The following ARHGEF37 variants were observed in gnomAD, a reference collection of about 807,000 sequenced individuals.
The protein encoded by ARHGEF37 is Rho guanine nucleotide exchange factor 37.
A neutral mutation model predicts 71.1 loss-of-function variants in ARHGEF37; 55 were observed. The ratio of observed to expected loss-of-function variants is 0.77; its 90% confidence interval spans 0.62 to 0.97. The LOEUF (loss-of-function observed/expected upper bound fraction) is 0.97, where lower values mean the gene tolerates loss of function less well. Ranked by LOEUF, ARHGEF37 falls within the 50% of genes least tolerant of loss-of-function variation. ARHGEF37 has a pLI of 0.00. For synonymous variants in ARHGEF37, 327 were observed against 350.6 expected (o/e 0.93, Z 0.75); for missense variants, 765 against 836.8 (o/e 0.91, Z 1.06).
chr5:149,607,668 C>T (rs529607976), intron 3 of ARHGEF37, among the ~76,000 whole-genome samples: 9 of 148,944 alleles, frequency 6.0e-5, no homozygotes, highest in Non-Finnish European at 1.2e-4. Context: ...TTGGGATAGG[C>T]GGTGGAGTTA....
At chr5:149,631,416 C>T (rs1202378005) in intron 12 of ARHGEF37, among the ~76,000 whole-genome samples, 1 of 152,116 alleles carries the variant, frequency 6.6e-6, no homozygotes, top group African/African-American at 2.4e-5. Flanking sequence ...GGTGATCTGC[C>T]CTCCTCTACC....
intron 1 of ARHGEF37, among the ~76,000 whole-genome samples, chr5:149,571,895 G>A (rs1762969832): frequency 9.5e-6 from 1 of 104,982 alleles, no homozygotes; most frequent in East Asian, 3.1e-4. Context: ...GACAGAGTGA[G>A]ACCCTGTCTC....
rs772724355 is a variant in ARHGEF37, at chr5:149,621,990, G to T, written c.1263G>T (p.Met421Ile). 38 of 1,614,178 alleles carry T rather than the reference G, an allele frequency of 2.4e-5. No individual in the cohort carries two copies. Among genetic ancestry groups the T allele is most frequent in the Non-Finnish European group, 3.2e-5 (38 of 1,180,004 alleles). Residue 421 changes from methionine to isoleucine, a missense_variant, in exon 9 of 13, where the codon ATG (methionine) becomes ATT (isoleucine). Coordinates refer to ENST00000333677, the MANE Select transcript of ARHGEF37 (RefSeq NM_001001669.3). ...QLVMQWLGQI[M>I]CTFVTLQRDL... ...TCATGCAGTGGCTGGGCCAGATCAT[G>T]TGCACATTCGTGACCCTCCAGAGGG...
rs201234693 is a variant in ARHGEF37, at chr5:149,598,737, C to CATATATATATATATATATATATAT, written c.186+794_186+795insATATATATATATATATATATATAT. ...ACAGAATTCCAGAAAAAATAAATCT[C>CATATATATATATATATATATATAT]ATATATATATATCTATATATAGATA... is the stretch of plus-strand genomic sequence containing the variant. On this transcript the variant is annotated intron_variant, in intron 2 of 12. Coordinates refer to ENST00000333677, the MANE Select transcript of ARHGEF37 (RefSeq NM_001001669.3). 5.9e-4 allele frequency among the ~76,000 whole-genome samples: 62 copies of CATATATATATATATATATATATAT among 104,542 alleles called. 1 individual carries two copies. Among genetic ancestry groups the CATATATATATATATATATATATAT allele is most frequent in the African/African-American group, 2.0e-3 (58 of 28,484 alleles). The allele number at this position is 104,542 out of a possible 152,430, so 68.6% of individuals were successfully genotyped here.
In ARHGEF37 at chr5:149,589,733, CAGGTGATCCTCCCGACCTA is replaced by C. The variant is rs1156641363; in HGVS notation, c.-11-8011_-11-7993del. 2.0e-5 allele frequency among the ~76,000 whole-genome samples: 3 copies of C among 152,250 alleles called. No individual in the cohort carries two copies. The East Asian group carries it at 5.8e-4, about 29-fold the overall frequency. The stretch of plus-strand genomic sequence containing the variant: ...CAGGCTGGTCTTGAACTCCTGACCT[CAGGTGATCCTCCCGACCTA>C]AGGTGATCCTCCCGTCTTGGCCTCC... On this transcript the variant is annotated intron_variant, in intron 1 of 12. Coordinates refer to ENST00000333677, the MANE Select transcript of ARHGEF37 (RefSeq NM_001001669.3).
In ARHGEF37 at chr5:149,631,986, T is replaced by C; in HGVS notation, c.1823T>C (p.Ile608Thr). The C allele has an allele frequency of 8.7e-6, 14 of 1,614,202 alleles. No homozygotes were observed. The highest frequency in any genetic ancestry group is 1.1e-5 in the Non-Finnish European group (13 of 1,180,014). ...GTCACTCCCCATGTGTTTCAGGTCA[T>C]AGCCGCGTACCCTTTTGTGGCCAGA... Reference protein sequence around the residue: ...VPSIPTMNQVIAAYPFVARSS... With the variant: ...VPSIPTMNQVTAAYPFVARSS... The change falls in exon 13 of 13, where the codon ATA becomes ACA. Residue 608 changes from isoleucine to threonine, a missense_variant. Transcript: ENST00000333677.
intron 1 of ARHGEF37, among the ~76,000 whole-genome samples, 175 bp from the exon 2 acceptor site, chr5:149,597,584 G>C (rs1404330122): frequency 6.6e-6 from 1 of 152,152 alleles, no homozygotes; most frequent in Non-Finnish European, 1.5e-5. Flanking sequence ...GCTGTTACCT[G>C]CCTTTCAATA....
intron 1 of ARHGEF37, among the ~76,000 whole-genome samples, chr5:149,575,062 T>G (rs921019033): frequency 1.3e-5 from 2 of 152,210 alleles, no homozygotes; most frequent in African/African-American, 4.8e-5. Context: ...ACATTTAAAT[T>G]CTTGAGTATG....
chr5:149,625,933 C>T (rs1338171000), intron 10 of ARHGEF37, among the ~76,000 whole-genome samples: 1 of 152,184 alleles, frequency 6.6e-6, no homozygotes, highest in Non-Finnish European at 1.5e-5. Context: ...ATAGGGAGGG[C>T]CGGTCAGCCT....
At chr5:149,620,054 C>CA (rs1274218275) in intron 7 of ARHGEF37, among the ~76,000 whole-genome samples, 2 of 141,348 alleles carry the variant, frequency 1.4e-5, no homozygotes, top group Non-Finnish European at 3.0e-5. Flanking sequence ...GCCTGGGTGA[C>CA]AGAGTGAGAC....
At chr5:149,554,225 G>A (rs1762722313) in intron 1 of ARHGEF37, among the ~76,000 whole-genome samples, 1 of 152,220 alleles carries the variant, frequency 6.6e-6, no homozygotes. Context: ...AACACTTTGG[G>A]AGGCCAAGGC....
chr5:149,602,544 A>G (rs535470301), intron 3 of ARHGEF37, among the ~76,000 whole-genome samples: 2 of 151,800 alleles, frequency 1.3e-5, no homozygotes, highest in Non-Finnish European at 2.9e-5. Context: ...CTAGAGTGCA[A>G]TGGAGCAATC....
At chr5:149,623,336 G>A (rs1250218489) in intron 9 of ARHGEF37, among the ~76,000 whole-genome samples, 3 of 152,192 alleles carry the variant, frequency 2.0e-5, no homozygotes, top group Non-Finnish European at 2.9e-5. Flanking sequence ...CATGGGGACT[G>A]GGACTGCAAG....
intron 1 of ARHGEF37, among the ~76,000 whole-genome samples, chr5:149,562,094 G>A (rs1211589615): frequency 6.6e-6 from 1 of 152,172 alleles, no homozygotes; most frequent in Non-Finnish European, 1.5e-5. Flanking sequence ...ATGCCAGGAA[G>A]CACTGATACT....
rs374877995 is a variant in ARHGEF37 at position 149,624,154 on chromosome 5, C to G, written c.1464+14C>G. 1.9e-6 allele frequency: 3 copies of G among 1,602,218 alleles called. No homozygotes were observed. The highest frequency in any genetic ancestry group is 2.6e-6 in the Non-Finnish European group (3 of 1,170,864). ...CCCACCACACAAGTAAGCATCCTTC[C>G]TCCACCCCAAAGACTGTCCAGTTCT... is the stretch of plus-strand genomic sequence containing the variant. On this transcript the variant is annotated intron_variant, in intron 10 of 12. Coordinates refer to ENST00000333677, the MANE Select transcript of ARHGEF37 (RefSeq NM_001001669.3).
At position 149,616,699 on chromosome 5, in the gene ARHGEF37, G is replaced by C. The variant is rs549749520; in HGVS notation, c.591G>C (p.Gln197His). The C allele has an allele frequency of 6.2e-7, 1 of 1,613,988 alleles. No homozygotes were observed. Among genetic ancestry groups the C allele is most frequent in the South Asian group, 1.1e-5 (1 of 91,046 alleles). The change falls in exon 5 of 13, where the codon CAG becomes CAC. Residue 197 changes from glutamine (Q) to histidine (H), a missense_variant. Physicochemically the swap from Gln to His is conservative, Grantham distance 24. Transcript: ENST00000333677. The part of the protein sequence containing the change: ...VPDASAYPVL[Q>H]RAVSALQDVN... ...ATGCCAGTGCCTATCCTGTCCTTCA[G>C]AGGGCTGTCTCTGCCCTCCAGGACG... is the stretch of plus-strand genomic sequence containing the variant.
rs146043052 is a variant in ARHGEF37, at chr5:149,588,721, G to A, written c.-12+7097G>A. ...TTCCTTTTTCCCCCCTTCCTTAAATGTTTAAATGGGCTCCTCCTGGGAGTA... is the reference window on the plus strand; with the variant it reads ...TTCCTTTTTCCCCCCTTCCTTAAATATTTAAATGGGCTCCTCCTGGGAGTA... On this transcript the variant is annotated intron_variant, in intron 1 of 12. Transcript: ENST00000333677. Among the ~76,000 whole-genome samples the A allele has an allele frequency of 3.4e-4, 51 of 151,884 alleles. No homozygotes were observed. The East Asian group carries it at 7.2e-3, about 21-fold the overall frequency.
chr5:149,604,783 A>T (rs1441134203), intron 3 of ARHGEF37, among the ~76,000 whole-genome samples: 1 of 147,800 alleles, frequency 6.8e-6, no homozygotes, highest in Non-Finnish European at 1.5e-5. Context: ...CCTGGGTTCA[A>T]GCGATTCTCA....
At chr5:149,611,885 T>A (rs1214507354) in intron 4 of ARHGEF37, among the ~76,000 whole-genome samples, 1 of 152,120 alleles carries the variant, frequency 6.6e-6, no homozygotes, top group Non-Finnish European at 1.5e-5. Context: ...CTCTTCTACC[T>A]ATATATGTAA....
Sources: gnomAD v4.1 joint callset for allele counts (sites outside exome capture counted in the v4.1 genomes callset) on GRCh38, gnomAD v4.1.1 for gene constraint, MANE v1.5 for transcripts, NCBI Gene and HGNC (gene_info 2026-07-23, HGNC 2026-07-21) for gene names.